The following LMX1A variants were observed in gnomAD, a reference collection of about 807,000 sequenced individuals.
LMX1A encodes the protein LIM homeobox transcription factor 1 alpha.
LMX1A carries 15 observed loss-of-function variants against 49.1 expected under a neutral mutation model. That is an observed-to-expected ratio of 0.31 (90% CI 0.20 to 0.47). The LOEUF is 0.47. Among genes scored for constraint, LMX1A ranks in the 20% least tolerant of loss-of-function variants. The pLI, the probability that LMX1A is intolerant of heterozygous loss-of-function variation, is 1.00. For synonymous variants in LMX1A, 167 were observed against 185.7 expected, an observed-to-expected ratio of 0.90 and a Z score of 0.82; for missense variants, 372 against 475.8, an observed-to-expected ratio of 0.78 and a Z score of 2.03.
At chr1:165,342,093 T>C (rs72687729) in intron 3 of LMX1A, among the ~76,000 whole-genome samples, 1 of 152,308 alleles carries the variant, frequency 6.6e-6, no homozygotes, top group Non-Finnish European at 1.5e-5. Context: ...ATTTCAGCAA[T>C]GGTGAGAGAA....
At position 165,205,966 on chromosome 1, in the gene LMX1A, G is replaced by T. The variant is rs140864022; in HGVS notation, c.886C>A (p.Pro296Thr). ...TGCTCGATGGCCAGGAGCTGCTGTG[G>T]GGTGGGCAGAGCCGTGTAGGGGTTC... ...IMNPYTALPTPQQLLAIEQSV... is the reference protein window; with the variant it reads ...IMNPYTALPTTQQLLAIEQSV... The change falls in exon 8 of 9, where the codon CCA becomes ACA. Residue 296 changes from proline (P) to threonine (T), a missense_variant. Coordinates refer to ENST00000342310, the MANE Select transcript of LMX1A (RefSeq NM_177398.4). 1.6e-4 allele frequency: 255 copies of T among 1,613,552 alleles called. 2 individuals are homozygous for T. The highest frequency in any genetic ancestry group is 1.4e-3 in the South Asian group (131 of 90,992).
chr1:165,319,997 A>G (rs1228777619), intron 3 of LMX1A, among the ~76,000 whole-genome samples: 1 of 152,150 alleles, frequency 6.6e-6, no homozygotes, highest in African/African-American at 2.4e-5. Flanking sequence ...AGACAGCACA[A>G]CCTCTACCTC....
chr1:165,203,817 T>A lies in LMX1A; in HGVS notation c.*63A>T, dbSNP rs933756882. On this transcript the variant is annotated 3_prime_UTR_variant, in exon 9 of 9. Transcript: ENST00000342310. ...CCTGGCCTCCCTGTCCTAAAGCCAG[T>A]GACCCCTCAAAGAATATGGTTGTTC... 1.3e-6 allele frequency: 2 copies of A among 1,547,368 alleles called. No individual in the cohort carries two copies. The highest frequency in any genetic ancestry group is 2.7e-5 in the African/African-American group (2 of 73,500).
intron 3 of LMX1A, among the ~76,000 whole-genome samples, chr1:165,326,007 G>A (rs147512028): frequency 0.051 from 3,298 of 64,466 alleles, 113 homozygotes; most frequent in African/African-American, 0.11. Flanking sequence ...TCCCAGGGGG[G>A]CTCCCCGGCA....
intron 4 of LMX1A, among the ~76,000 whole-genome samples, chr1:165,217,294 C>A (rs759542063): frequency 8.5e-5 from 13 of 152,222 alleles, no homozygotes; most frequent in Non-Finnish European, 1.6e-4. Context: ...TAAGGGCCTT[C>A]TGGGGTCCTC....
chr1:165,319,370 A>C (rs923976684), intron 3 of LMX1A, among the ~76,000 whole-genome samples: 2 of 152,134 alleles, frequency 1.3e-5, no homozygotes, highest in Non-Finnish European at 2.9e-5. Context: ...ACAATATATA[A>C]AAACTAAAAA....
intron 7 of LMX1A, among the ~76,000 whole-genome samples, chr1:165,207,255 G>T (rs557147601): frequency 6.6e-6 from 1 of 152,156 alleles, no homozygotes; most frequent in Non-Finnish European, 1.5e-5. Context: ...AGCTGAGTTG[G>T]GTGGCCAGGG....
chr1:165,275,698 G>C lies in LMX1A; in HGVS notation c.264-26058C>G, dbSNP rs184378373. ...AGCTGCTGAATCACTCTTGGGACTG[G>C]AAGGGGGCTGGTGGAGGGGACGAGG... On this transcript the variant is annotated intron_variant, in intron 3 of 8. Coordinates refer to ENST00000342310, the MANE Select transcript of LMX1A (RefSeq NM_177398.4). Among the ~76,000 whole-genome samples the C allele has an allele frequency of 3.9e-3, 592 of 152,288 alleles. 3 individuals carry two copies. The highest frequency in any genetic ancestry group is 0.013 in the African/African-American group (559 of 41,548).
At chr1:165,224,569 T>C (rs945080907) in intron 4 of LMX1A, among the ~76,000 whole-genome samples, 1 of 152,200 alleles carries the variant, frequency 6.6e-6, no homozygotes, top group Non-Finnish European at 1.5e-5. Context: ...TAGAATAAGC[T>C]TCCAGAAAAC....
intron 4 of LMX1A, among the ~76,000 whole-genome samples, chr1:165,237,576 AAAAC>A (rs777906647): frequency 2.0e-5 from 3 of 152,154 alleles, no homozygotes; most frequent in Admixed American, 1.3e-4. Flanking sequence ...CAGAAAAACA[AAAAC>A]AAAACAAAAC....
intron 3 of LMX1A, among the ~76,000 whole-genome samples, chr1:165,332,965 T>C (rs1448726416): frequency 1.3e-5 from 2 of 152,190 alleles, no homozygotes. Context: ...GACTTGCCAC[T>C]AGAAAACCTG....
chr1:165,218,445 A>G (rs1651718796), intron 4 of LMX1A: 1 of 152,386 alleles, frequency 6.6e-6, no homozygotes, highest in Non-Finnish European at 1.5e-5. Context: ...GCCAGCTGCC[A>G]ACAGGAATCC....
intron 3 of LMX1A, among the ~76,000 whole-genome samples, chr1:165,282,861 G>C (rs1470472758): frequency 3.9e-5 from 6 of 152,194 alleles, no homozygotes. Flanking sequence ...AAGGCAGTCA[G>C]AGTAATCTTT....
At chr1:165,250,113 A>G (rs981305025) in intron 3 of LMX1A, among the ~76,000 whole-genome samples, 4 of 152,154 alleles carry the variant, frequency 2.6e-5, no homozygotes, top group Admixed American at 6.5e-5. Flanking sequence ...ATTAGGAAAA[A>G]TAGCTAATGC....
intron 3 of LMX1A, among the ~76,000 whole-genome samples, chr1:165,318,999 T>TCACACACACACA (rs35582531): frequency 2.5e-5 from 3 of 117,754 alleles, no homozygotes; most frequent in African/African-American, 1.1e-4. Context: ...TCTCTCTCTC[T>TCACACACACACA]CACACACACA....
intron 8 of LMX1A, among the ~76,000 whole-genome samples, chr1:165,204,799 T>A (rs767601395): frequency 2.6e-5 from 4 of 152,168 alleles, no homozygotes; most frequent in Non-Finnish European, 4.4e-5. Context: ...AAAAAATGTG[T>A]TTGCCCTGTT....
chr1:165,304,414 G>C (rs1179648415), intron 3 of LMX1A, among the ~76,000 whole-genome samples: 1 of 152,158 alleles, frequency 6.6e-6, no homozygotes, highest in Non-Finnish European at 1.5e-5. Flanking sequence ...TTTCCTGTTT[G>C]GGGACTATGT....
chr1:165,218,870 C>T (rs1651733605), intron 4 of LMX1A: 1 of 152,122 alleles, frequency 6.6e-6, no homozygotes, highest in Non-Finnish European at 1.5e-5. Flanking sequence ...GCTGACACCC[C>T]TCAGCGGAGA....
chr1:165,340,411 T>C (rs1656039761), intron 3 of LMX1A, among the ~76,000 whole-genome samples: 1 of 152,142 alleles, frequency 6.6e-6, no homozygotes, highest in African/African-American at 2.4e-5. Flanking sequence ...CTACGCTTGG[T>C]AAGGGCAAAC....
Sources: allele counts gnomAD v4.1 joint callset (sites outside exome capture counted in the v4.1 genomes callset), GRCh38; gene constraint gnomAD v4.1.1; transcripts MANE v1.5; gene names NCBI Gene and HGNC (gene_info 2026-07-23, HGNC 2026-07-21).